PARD3: variants seen among roughly 807,000 people sequenced by gnomAD.
PARD3 encodes partitioning defective 3 homolog.
Under a neutral mutation model 155.4 loss-of-function variants are expected in PARD3, and 75 were observed. The observed-to-expected ratio is 0.48, with a 90% CI of 0.40 to 0.58. The LOEUF (loss-of-function observed/expected upper bound fraction) is 0.58, where lower values mean the gene tolerates loss of function less well. PARD3 is among the 20% of genes least tolerant of loss of function. The pLI is 0.00. For missense variants in PARD3, 1,642 were observed against 1,721.7 expected (o/e 0.95, Z 0.82); for synonymous variants, 576 against 610.5 (o/e 0.94, Z 0.83).
intron 1 of PARD3, among the ~76,000 whole-genome samples, chr10:34,749,022 C>G (rs1180350040): frequency 6.6e-6 from 1 of 152,196 alleles, no homozygotes; most frequent in Non-Finnish European, 1.5e-5. Flanking sequence ...TAAATACTAA[C>G]GGCATGAAGC....
At chr10:34,566,870 G>A (rs1181468127) in intron 2 of PARD3, among the ~76,000 whole-genome samples, 1 of 152,170 alleles carries the variant, frequency 6.6e-6, no homozygotes, top group East Asian at 1.9e-4. Context: ...ATATCTTTAA[G>A]TGTTATTATT....
intron 4 of PARD3, among the ~76,000 whole-genome samples, chr10:34,462,658 A>G (rs1444914012): frequency 6.6e-6 from 1 of 151,584 alleles, no homozygotes; most frequent in Non-Finnish European, 1.5e-5. Flanking sequence ...CAGCCTGGGC[A>G]ACATAGTGAG....
intron 3 of PARD3, among the ~76,000 whole-genome samples, chr10:34,516,009 T>A (rs944606276): frequency 6.6e-6 from 1 of 151,420 alleles, no homozygotes; most frequent in Non-Finnish European, 1.5e-5. Flanking sequence ...CAGGCTGGAG[T>A]GCAGTGGCAC....
intron 2 of PARD3, among the ~76,000 whole-genome samples, chr10:34,693,405 A>C (rs2133449206): frequency 6.6e-6 from 1 of 152,352 alleles, no homozygotes; most frequent in Admixed American, 6.5e-5. Flanking sequence ...CATACCATGG[A>C]ACACTAGGCA....
At chr10:34,445,336 T>A (rs1019228860) in intron 5 of PARD3, among the ~76,000 whole-genome samples, 15 of 152,244 alleles carry the variant, frequency 9.9e-5, no homozygotes, top group Admixed American at 2.0e-4. Flanking sequence ...GGGAGTTTTG[T>A]TTTGTTTCTG....
At chr10:34,367,944 T>C (rs1044755723) in intron 12 of PARD3, among the ~76,000 whole-genome samples, 1 of 151,968 alleles carries the variant, frequency 6.6e-6, no homozygotes, top group African/African-American at 2.4e-5. Flanking sequence ...CTAGAATGCA[T>C]TTTGAATTCT....
intron 4 of PARD3, among the ~76,000 whole-genome samples, chr10:34,454,342 T>C (rs2077219382): frequency 6.6e-6 from 1 of 152,090 alleles, no homozygotes; most frequent in South Asian, 2.1e-4. Context: ...TATTAAATAT[T>C]TTCTACAACA....
Position 34,401,932 on chromosome 10 carries a change from C to G in PARD3, c.715-15G>C. ...CCATCCTCATCCTAGAGGCAGCCAA[C>G]ACAAAGAAAAGTACACTCTGTGTTA... is the stretch of plus-strand genomic sequence containing the variant. On this transcript the variant is annotated splice_polypyrimidine_tract_variant and intron_variant, in intron 5 of 24. Coordinates refer to ENST00000374788, the MANE Select transcript of PARD3 (RefSeq NM_001184785.2). 2 of 1,601,396 alleles carry G rather than the reference C, an allele frequency of 1.2e-6. No individual in the cohort carries two copies. The highest frequency in any genetic ancestry group is 1.7e-6 in the Non-Finnish European group (2 of 1,168,562).
intron 23 of PARD3, among the ~76,000 whole-genome samples, chr10:34,129,191 C>T (rs965107911): frequency 3.9e-5 from 6 of 152,132 alleles, no homozygotes; most frequent in East Asian, 1.9e-4. Flanking sequence ...CTTGCTCTGT[C>T]GTCCAGGCTG....
chr10:34,769,449 T>C lies in PARD3; in HGVS notation c.120+45427A>G, dbSNP rs905257531. Among the ~76,000 whole-genome samples the C allele has an allele frequency of 2.0e-5, 3 of 151,978 alleles. No homozygotes were observed. The East Asian group carries it at 5.8e-4, about 29-fold the overall frequency. ...AGCCCACCTCCTCCCATTTATCCTC[T>C]CCAGGTGAAAATCATTACTGTAATT... On this transcript the variant is annotated intron_variant, in intron 1 of 24. Coordinates refer to ENST00000374788, the MANE Select transcript of PARD3 (RefSeq NM_001184785.2).
At chr10:34,321,073 A>AT (rs1384355181) in intron 19 of PARD3, among the ~76,000 whole-genome samples, 2 of 152,228 alleles carry the variant, frequency 1.3e-5, no homozygotes, top group Non-Finnish European at 2.9e-5. Flanking sequence ...AAAAGCTCAA[A>AT]TAAATTGGTT....
In PARD3 at chr10:34,650,657, C is replaced by T. The variant is rs905505713; in HGVS notation, c.222+45661G>A. Among the ~76,000 whole-genome samples, 3 of 152,022 alleles carry T rather than the reference C, an allele frequency of 2.0e-5. No individual in the cohort carries two copies. The South Asian group carries it at 6.2e-4, about 32-fold the overall frequency. On this transcript the variant is annotated intron_variant, in intron 2 of 24. Coordinates refer to ENST00000374788, the MANE Select transcript of PARD3 (RefSeq NM_001184785.2). Reference sequence around the variant, plus strand: ...AATTCACACATGAAGGTACACATTGCCAGCACTTAGGTCAGAAAGCACAAA... The same window carrying T: ...AATTCACACATGAAGGTACACATTGTCAGCACTTAGGTCAGAAAGCACAAA...
intron 1 of PARD3, among the ~76,000 whole-genome samples, chr10:34,769,520 C>T (rs1173642896): frequency 6.6e-6 from 1 of 151,914 alleles, no homozygotes; most frequent in Non-Finnish European, 1.5e-5. Context: ...CTTTGGGAGG[C>T]TGAGGCAGGT....
intron 22 of PARD3, among the ~76,000 whole-genome samples, chr10:34,246,852 A>G (rs1953984508): frequency 6.6e-6 from 1 of 152,134 alleles, no homozygotes; most frequent in South Asian, 2.1e-4. Context: ...CTGGTCTAAA[A>G]GCGATTAAAA....
At chr10:34,115,794 G>T (rs1203864098) in intron 24 of PARD3, among the ~76,000 whole-genome samples, 2 of 150,898 alleles carry the variant, frequency 1.3e-5, no homozygotes, top group African/African-American at 4.9e-5. Flanking sequence ...CTCACTGCAA[G>T]CTCCGCCTCC....
At chr10:34,465,630 T>C (rs1005876832) in intron 4 of PARD3, among the ~76,000 whole-genome samples, 3 of 152,204 alleles carry the variant, frequency 2.0e-5, no homozygotes, top group African/African-American at 7.2e-5. Context: ...CCTTTATTAC[T>C]TTCTTCCCCT....
intron 20 of PARD3, among the ~76,000 whole-genome samples, chr10:34,315,796 A>G (rs1957970430): frequency 6.6e-6 from 1 of 152,228 alleles, no homozygotes; most frequent in Admixed American, 6.5e-5. Flanking sequence ...TGTAAACTAG[A>G]AAAACTCTAA....
chr10:34,377,847 T>C (rs1411118614), intron 10 of PARD3, 120 bp downstream of exon 10: 5 of 635,088 alleles, frequency 7.9e-6, no homozygotes, highest in Non-Finnish European at 1.2e-5. Context: ...TTGTGACGCA[T>C]ACTTCCGCTA....
chr10:34,250,856 C>T (rs1356132587), intron 22 of PARD3, among the ~76,000 whole-genome samples: 3 of 152,098 alleles, frequency 2.0e-5, no homozygotes, highest in Non-Finnish European at 2.9e-5. Context: ...CTATTGAAGA[C>T]GGCCTTATCA....
Sources: gnomAD v4.1 joint callset for allele counts (sites outside exome capture counted in the v4.1 genomes callset) on GRCh38, gnomAD v4.1.1 for gene constraint, MANE v1.5 for transcripts, NCBI Gene and HGNC (gene_info 2026-07-23, HGNC 2026-07-21) for gene names.